The following MDGA2 variants were observed in gnomAD, a reference collection of about 807,000 sequenced individuals.
MDGA2 encodes MAM domain containing glycosylphosphatidylinositol anchor 2, also known as MAM domain-containing glycosylphosphatidylinositol anchor protein 2.
Under a neutral mutation model 117.8 loss-of-function variants are expected in MDGA2, and 40 were observed. That is an observed-to-expected ratio of 0.34 (90% CI 0.26 to 0.44). MDGA2 has a LOEUF of 0.44. Ranked by LOEUF, MDGA2 falls within the 20% of genes least tolerant of loss-of-function variation. The pLI is 1.00. For synonymous variants in MDGA2, 452 were observed against 439.0 expected, an observed-to-expected ratio of 1.03 and a Z score of -0.37; for missense variants, 1,123 against 1,250.6, an observed-to-expected ratio of 0.90 and a Z score of 1.54.
intron 1 of MDGA2, among the ~76,000 whole-genome samples, chr14:47,615,766 C>G (rs976119133): frequency 6.6e-6 from 1 of 152,100 alleles, no homozygotes; most frequent in African/African-American, 2.4e-5. Context: ...AAACCTCTTC[C>G]CCACCTCACC....
At chr14:47,088,423 T>C (rs971743254) in intron 6 of MDGA2, among the ~76,000 whole-genome samples, 27 of 152,182 alleles carry the variant, frequency 1.8e-4, no homozygotes, top group Non-Finnish European at 2.6e-4. Flanking sequence ...TTTTGGGGAA[T>C]GTGAAGGCAT....
At chr14:47,515,024 T>G (rs1161722156) in intron 1 of MDGA2, among the ~76,000 whole-genome samples, 1 of 152,218 alleles carries the variant, frequency 6.6e-6, no homozygotes, top group Non-Finnish European at 1.5e-5. Flanking sequence ...TTTGTTCCTA[T>G]GCTCACTTTG....
Position 46,851,977 on chromosome 14 carries a change from A to C in MDGA2, c.2883+3047T>G, listed in dbSNP as rs1594994204. Among the ~76,000 whole-genome samples, 4 of 151,944 alleles carry C rather than the reference A, an allele frequency of 2.6e-5. No individual in the cohort carries two copies. The South Asian group carries it at 8.3e-4, about 31-fold the overall frequency. On this transcript the variant is annotated intron_variant, in intron 15 of 16. Coordinates refer to ENST00000399232, the MANE Select transcript of MDGA2 (RefSeq NM_001113498.3). ...AAATGAAACGAGACAAAAACAACAA[A>C]AGTGGCATGGGATTGTTTAGTTGTG...
At chr14:47,440,929 T>A (rs9323140) in intron 1 of MDGA2, among the ~76,000 whole-genome samples, 54,075 of 151,898 alleles carry the variant, frequency 0.36, 9,774 homozygotes, top group South Asian at 0.51. Context: ...ACTGAATATA[T>A]GGTAAGTACT....
intron 8 of MDGA2, among the ~76,000 whole-genome samples, chr14:46,993,361 A>C (rs1887165454): frequency 6.6e-6 from 1 of 152,148 alleles, no homozygotes; most frequent in South Asian, 2.1e-4. Context: ...ATTGTTCATA[A>C]TTAATAACTA....
chr14:47,178,210 C>A (rs1166440138), intron 3 of MDGA2, among the ~76,000 whole-genome samples: 1 of 152,258 alleles, frequency 6.6e-6, no homozygotes, highest in South Asian at 2.1e-4. Flanking sequence ...AAGTAACTGA[C>A]ATGGCACTGT....
chr14:47,343,177 T>C (rs1419677498), intron 1 of MDGA2: 21 of 1,146,476 alleles, frequency 1.8e-5, no homozygotes, highest in Non-Finnish European at 2.1e-5. Context: ...CTTATCATTC[T>C]GGTACAGGCT....
At chr14:47,267,467 T>C (rs1170510551) in intron 2 of MDGA2, among the ~76,000 whole-genome samples, 2 of 152,192 alleles carry the variant, frequency 1.3e-5, no homozygotes, top group East Asian at 3.8e-4. Flanking sequence ...AATTTTTAAT[T>C]GTTATTTATG....
chr14:47,227,586 A>C (rs1240353701), intron 2 of MDGA2, among the ~76,000 whole-genome samples: 1 of 152,190 alleles, frequency 6.6e-6, no homozygotes, highest in Non-Finnish European at 1.5e-5. Context: ...TGGTAAGTTC[A>C]TTAAGGCAAG....
At chr14:46,945,219 C>A (rs1595061083) in intron 9 of MDGA2, among the ~76,000 whole-genome samples, 1 of 152,064 alleles carries the variant, frequency 6.6e-6, no homozygotes, top group Non-Finnish European at 1.5e-5. Flanking sequence ...TGTTCCTAAA[C>A]TCTTCTAACT....
chr14:47,501,107 A>G (rs1894390074), intron 1 of MDGA2, among the ~76,000 whole-genome samples: 1 of 152,184 alleles, frequency 6.6e-6, no homozygotes, highest in South Asian at 2.1e-4. Flanking sequence ...ATATGATGTA[A>G]CATTTAAAAA....
intron 3 of MDGA2, among the ~76,000 whole-genome samples, chr14:47,164,454 C>T (rs1180020490): frequency 1.3e-5 from 2 of 152,192 alleles, no homozygotes; most frequent in African/African-American, 4.8e-5. Context: ...TATGAACAGA[C>T]ACTTCTCAAA....
intron 1 of MDGA2, among the ~76,000 whole-genome samples, chr14:47,636,247 C>CA (rs1398416829): frequency 1.8e-4 from 27 of 151,880 alleles, no homozygotes; most frequent in Admixed American, 1.5e-3. Context: ...TGAATTTAAG[C>CA]AAAAAAGGTA....
intron 12 of MDGA2, among the ~76,000 whole-genome samples, chr14:46,876,453 C>T (rs1048306039): frequency 6.6e-6 from 1 of 151,302 alleles, no homozygotes; most frequent in Non-Finnish European, 1.5e-5. Context: ...ATATAAAATA[C>T]TAAAAGAGTA....
At chr14:47,084,194 A>G (rs972292828) in intron 6 of MDGA2, among the ~76,000 whole-genome samples, 2 of 152,084 alleles carry the variant, frequency 1.3e-5, no homozygotes, top group Non-Finnish European at 2.9e-5. Context: ...TTAAACCACA[A>G]TTGTTCTCTA....
chr14:47,608,614 C>A (rs964966464), intron 1 of MDGA2, among the ~76,000 whole-genome samples: 2 of 152,098 alleles, frequency 1.3e-5, no homozygotes, highest in African/African-American at 4.8e-5. Context: ...CAACAAGGGC[C>A]TGATCATATA....
intron 8 of MDGA2, among the ~76,000 whole-genome samples, chr14:47,012,866 C>T (rs1239948102): frequency 1.3e-5 from 2 of 152,054 alleles, no homozygotes; most frequent in African/African-American, 4.8e-5. Context: ...ATAAAAATTA[C>T]ATTTACACTA....
intron 2 of MDGA2, among the ~76,000 whole-genome samples, chr14:47,276,609 T>TA (rs138382086): frequency 0.09 from 13,675 of 152,038 alleles, 767 homozygotes; most frequent in Non-Finnish European, 0.11. Context: ...TTATCTCTGA[T>TA]AAAAAAAATT....
chr14:47,645,868 C>T (rs1414596572), intron 1 of MDGA2, among the ~76,000 whole-genome samples: 2 of 151,392 alleles, frequency 1.3e-5, no homozygotes, highest in East Asian at 2.0e-4. Context: ...GTCAGAAGAT[C>T]GAGACCATCC....
Sources: gnomAD v4.1 joint callset for allele counts (sites outside exome capture counted in the v4.1 genomes callset) on GRCh38, gnomAD v4.1.1 for gene constraint, MANE v1.5 for transcripts, NCBI Gene and HGNC (gene_info 2026-07-23, HGNC 2026-07-21) for gene names.